PARP8: variants seen among roughly 807,000 people sequenced by gnomAD.
PARP8 encodes the protein protein mono-ADP-ribosyltransferase PARP8.
PARP8 carries 51 observed loss-of-function variants against 124.1 expected under a neutral mutation model. That is an observed-to-expected ratio of 0.41 (90% CI 0.33 to 0.52). The LOEUF is 0.52. PARP8 is among the 20% of genes least tolerant of loss of function. The pLI, the probability that PARP8 is intolerant of heterozygous loss-of-function variation, is 0.21. For missense variants in PARP8, 860 were observed against 1,018.9 expected, an observed-to-expected ratio of 0.84 and a Z score of 2.12; for synonymous variants, 391 against 361.5, an observed-to-expected ratio of 1.08 and a Z score of -0.93.
At chr5:50,697,915 G>T (rs1753200335) in intron 2 of PARP8, among the ~76,000 whole-genome samples, 2 of 152,158 alleles carry the variant, frequency 1.3e-5, no homozygotes, top group Admixed American at 6.5e-5. Context: ...AATAACCACT[G>T]TGCTGGTCCA....
intron 22 of PARP8, among the ~76,000 whole-genome samples, chr5:50,831,156 G>A (rs1395419785): frequency 6.6e-6 from 1 of 152,114 alleles, no homozygotes. Context: ...TGAGAAGGTT[G>A]CATGTTAACA....
intron 17 of PARP8, among the ~76,000 whole-genome samples, chr5:50,823,978 T>G (rs1400460707): frequency 1.3e-5 from 2 of 152,222 alleles, no homozygotes; most frequent in East Asian, 3.8e-4. Flanking sequence ...CAGGTTTTAT[T>G]GTGTCAAATT....
At chr5:50,787,329 C>T (rs1400620507) in intron 9 of PARP8, among the ~76,000 whole-genome samples, 4 of 152,186 alleles carry the variant, frequency 2.6e-5, no homozygotes, top group Non-Finnish European at 5.9e-5. Context: ...CATCTCCTGA[C>T]ATGAGACCTT....
At chr5:50,749,615 A>G (rs1759003213) in intron 2 of PARP8, among the ~76,000 whole-genome samples, 2 of 152,114 alleles carry the variant, frequency 1.3e-5, no homozygotes, top group Admixed American at 1.3e-4. Flanking sequence ...GTTTATTTAT[A>G]TATACGTGTG....
At chr5:50,677,160 G>A (rs553175573) in intron 2 of PARP8, among the ~76,000 whole-genome samples, 2 of 152,162 alleles carry the variant, frequency 1.3e-5, no homozygotes, top group South Asian at 2.1e-4. Flanking sequence ...TATCACATTT[G>A]TTAGTCTGTA....
intron 14 of PARP8, among the ~76,000 whole-genome samples, chr5:50,802,150 C>A (rs1483909532): frequency 6.6e-6 from 1 of 152,106 alleles, no homozygotes; most frequent in African/African-American, 2.4e-5. Context: ...TATTTTGTTC[C>A]TCTGCTTCTC....
chr5:50,672,777 A>G (rs1276532731), intron 2 of PARP8, among the ~76,000 whole-genome samples: 1 of 152,076 alleles, frequency 6.6e-6, no homozygotes, highest in East Asian at 1.9e-4. Context: ...CCATCAGGAG[A>G]GACAATCTAC....
At chr5:50,782,317 CTGTTAGGTACTGGTTA>C in intron 9 of PARP8, among the ~76,000 whole-genome samples, 1 of 152,262 alleles carries the variant, frequency 6.6e-6, no homozygotes, top group East Asian at 1.9e-4. Context: ...TCTCCTATTT[CTGTTAGGTACTGGTTA>C]TGATTGTGTT....
At chr5:50,704,614 C>G (rs1753941524) in intron 2 of PARP8, among the ~76,000 whole-genome samples, 1 of 152,090 alleles carries the variant, frequency 6.6e-6, no homozygotes, top group Non-Finnish European at 1.5e-5. Flanking sequence ...TGTTAAAGTA[C>G]ACACTGGATT....
At chr5:50,795,742 A>G (rs929504536) in intron 12 of PARP8, among the ~76,000 whole-genome samples, 8 of 152,308 alleles carry the variant, frequency 5.3e-5, no homozygotes, top group African/African-American at 1.4e-4. Flanking sequence ...TATAATTTTA[A>G]TGTTTCATTA....
At chr5:50,796,831 T>C in intron 12 of PARP8, 151 bp from the exon 13 acceptor site, 1 of 671,870 alleles carries the variant, frequency 1.5e-6, no homozygotes. Flanking sequence ...AATAAAAAAG[T>C]TTTTAATTTT....
chr5:50,844,024 G>A lies in PARP8; in HGVS notation c.*1956G>A, dbSNP rs1269286866. 1 of 151,696 alleles carries A rather than the reference G, an allele frequency of 6.6e-6. No individual in the cohort carries two copies. The highest frequency in any genetic ancestry group is 1.5e-5 in the Non-Finnish European group (1 of 67,790). The allele number at this position is 151,696 out of a possible 1,614,324, so 9.4% of individuals were successfully genotyped here. On this transcript the variant is annotated 3_prime_UTR_variant, in exon 26 of 26. Coordinates refer to ENST00000281631, the MANE Select transcript of PARP8 (RefSeq NM_024615.4). ...AAAATCCACTGACCTAATCCATTAT[G>A]GCTTTACTTAACATTGGAGTGATCC...
At chr5:50,745,284 CT>C (rs1174202283) in intron 2 of PARP8, among the ~76,000 whole-genome samples, 1 of 152,126 alleles carries the variant, frequency 6.6e-6, no homozygotes, top group Non-Finnish European at 1.5e-5. Context: ...ATATATTGTA[CT>C]TTTTAGCAAA....
At chr5:50,786,370 T>G (rs1453132586) in intron 9 of PARP8, among the ~76,000 whole-genome samples, 1 of 151,854 alleles carries the variant, frequency 6.6e-6, no homozygotes. Flanking sequence ...TCTTTTTTTT[T>G]TCTTTTTTTT....
At chr5:50,816,621 T>C (rs1158554837) in intron 15 of PARP8, among the ~76,000 whole-genome samples, 1 of 152,110 alleles carries the variant, frequency 6.6e-6, no homozygotes, top group African/African-American at 2.4e-5. Flanking sequence ...AAACAAATAA[T>C]ACAAAGAGTA....
At chr5:50,764,192 A>G (rs1176625465) in intron 7 of PARP8, among the ~76,000 whole-genome samples, 1 of 152,054 alleles carries the variant, frequency 6.6e-6, no homozygotes. Flanking sequence ...TCTTTTAATT[A>G]TTTGGCTTAC....
intron 9 of PARP8, among the ~76,000 whole-genome samples, chr5:50,788,317 T>A (rs1741531683): frequency 2.0e-5 from 3 of 148,758 alleles, no homozygotes; most frequent in African/African-American, 7.3e-5. Context: ...ATATAATGTA[T>A]AATATATATT....
intron 12 of PARP8, 125 bp downstream of exon 12, chr5:50,795,542 A>C: frequency 1.3e-6 from 1 of 754,080 alleles, no homozygotes. Flanking sequence ...TTTTTTTAAA[A>C]TCTTTTTGGA....
chr5:50,829,590 A>T (rs900685444), intron 21 of PARP8, among the ~76,000 whole-genome samples: 1 of 152,156 alleles, frequency 6.6e-6, no homozygotes, highest in African/African-American at 2.4e-5. Flanking sequence ...TGTCTTTCGG[A>T]CCAAGTTTAG....
Sources: allele counts gnomAD v4.1 joint callset (sites outside exome capture counted in the v4.1 genomes callset), GRCh38; gene constraint gnomAD v4.1.1; transcripts MANE v1.5; gene names NCBI Gene and HGNC (gene_info 2026-07-23, HGNC 2026-07-21).